The following CYB5R4 variants were observed in gnomAD, a reference collection of about 807,000 sequenced individuals.
CYB5R4 encodes cytochrome b5 reductase 4.
CYB5R4 carries 55 observed loss-of-function variants against 70.2 expected under a neutral mutation model. The ratio of observed to expected loss-of-function variants is 0.78; its 90% CI spans 0.63 to 0.98. The LOEUF is 0.98. Among genes scored for constraint, CYB5R4 ranks in the 50% least tolerant of loss-of-function variants. The pLI is 0.00. For synonymous variants in CYB5R4, 197 were observed against 199.5 expected, an observed-to-expected ratio of 0.99 and a Z score of 0.11; for missense variants, 562 against 612.6, an observed-to-expected ratio of 0.92 and a Z score of 0.87.
At chr6:83,921,300 G>T in intron 8 of CYB5R4, 125 bp downstream of exon 8, 1 of 884,586 alleles carries the variant, frequency 1.1e-6, no homozygotes, top group Non-Finnish European at 1.6e-6. Flanking sequence ...TGTCATTTTT[G>T]ATCAGTTTTT....
chr6:83,943,283 C>T (rs1268512626), intron 14 of CYB5R4, among the ~76,000 whole-genome samples: 3 of 152,160 alleles, frequency 2.0e-5, no homozygotes, highest in Admixed American at 2.0e-4. Context: ...GCAATCTTTG[C>T]TGTTCTGCAG....
At chr6:83,928,132 G>C (rs866209656) in intron 10 of CYB5R4, among the ~76,000 whole-genome samples, 5 of 151,992 alleles carry the variant, frequency 3.3e-5, no homozygotes, top group Non-Finnish European at 5.9e-5. Context: ...CAGGAACCAG[G>C]GACACAGACC....
chr6:83,875,966 C>G (rs1193399902), intron 2 of CYB5R4, among the ~76,000 whole-genome samples: 7 of 152,106 alleles, frequency 4.6e-5, no homozygotes, highest in Admixed American at 4.6e-4. Flanking sequence ...GCCTCTTTTT[C>G]CTAGCCCTCT....
chr6:83,899,830 A>G (rs866582404), intron 3 of CYB5R4, among the ~76,000 whole-genome samples: 24 of 151,968 alleles, frequency 1.6e-4, no homozygotes, highest in Admixed American at 2.6e-4. Context: ...ATCATTTTTT[A>G]TTGCATCTAT....
At chr6:83,914,469 T>C in intron 5 of CYB5R4, 21 bp downstream of exon 5, 2 of 1,491,754 alleles carry the variant, frequency 1.3e-6, no homozygotes, top group South Asian at 2.4e-5. Flanking sequence ...AAATTTATAA[T>C]AAATGAATCA....
At position 83,936,380 on chromosome 6, in the gene CYB5R4, A is replaced by G. The variant is rs532843511; in HGVS notation, c.1108+4A>G. The G allele has an allele frequency of 6.3e-5, 101 of 1,611,046 alleles. No homozygotes were observed. Among genetic ancestry groups the G allele is most frequent in the Admixed American group, 2.4e-4 (14 of 59,072 alleles). On this transcript the variant is annotated splice_donor_region_variant and intron_variant, in intron 12 of 15. Transcript: ENST00000369681. ...GAGCTTGATCGTCTTCAGATTGGTT[A>G]GTATTTTTACATTTTTTAAACCTCA... is the stretch of plus-strand genomic sequence containing the variant.
At chr6:83,887,137 A>G (rs1206408687) in intron 2 of CYB5R4, among the ~76,000 whole-genome samples, 3 of 152,192 alleles carry the variant, frequency 2.0e-5, no homozygotes, top group African/African-American at 7.2e-5. Flanking sequence ...AAAAGGCAAT[A>G]TTCGTTTTTA....
chr6:83,922,558 C>A, intron 9 of CYB5R4, 88 bp downstream of exon 9: 1 of 887,160 alleles, frequency 1.1e-6, no homozygotes, highest in East Asian at 2.5e-5. Flanking sequence ...GAAAAATTAG[C>A]ATTTGTTTTA....
At chr6:83,889,511 T>C (rs1176877766) in intron 2 of CYB5R4, among the ~76,000 whole-genome samples, 1 of 152,218 alleles carries the variant, frequency 6.6e-6, no homozygotes, top group Admixed American at 6.5e-5. Context: ...GTTTATAGCA[T>C]GGTTTACTGA....
chr6:83,898,067 C>T (rs572791471), intron 3 of CYB5R4, among the ~76,000 whole-genome samples: 8 of 144,570 alleles, frequency 5.5e-5, no homozygotes, highest in South Asian at 4.2e-4. Flanking sequence ...TTTATGGTAG[C>T]GTTTTTATGG....
At chr6:83,897,156 C>T (rs561992572) in intron 3 of CYB5R4, among the ~76,000 whole-genome samples, 10 of 151,580 alleles carry the variant, frequency 6.6e-5, no homozygotes, top group East Asian at 3.9e-4. Flanking sequence ...TGAGAACATG[C>T]GGTGTTTGGT....
Position 83,898,035 on chromosome 6 carries a change from G to T in CYB5R4, c.330+4413G>T, listed in dbSNP as rs537431983. On this transcript the variant is annotated intron_variant, in intron 3 of 15. Coordinates refer to ENST00000369681, the MANE Select transcript of CYB5R4 (RefSeq NM_016230.4). Reference sequence around the variant, plus strand: ...GTTTTTATGGTTTTAAACATTTAAAGACTTAAAAACATTTTTATGTTTTTA... The same window carrying T: ...GTTTTTATGGTTTTAAACATTTAAATACTTAAAAACATTTTTATGTTTTTA... Among the ~76,000 whole-genome samples the T allele has an allele frequency of 2.3e-4, 35 of 152,122 alleles. 1 individual carries two copies. The highest frequency in any genetic ancestry group is 3.4e-3 in the Middle Eastern group (1 of 294).
In CYB5R4 at chr6:83,960,566, G is replaced by C. The variant is rs1360767722; in HGVS notation, c.*688G>C. ...CTAGGTGTGTTAACAGAGCTTGAGA[G>C]AGGGAACCTTGACAGCTATTTTTAC... On this transcript the variant is annotated 3_prime_UTR_variant, in exon 16 of 16. Coordinates refer to ENST00000369681, the MANE Select transcript of CYB5R4 (RefSeq NM_016230.4). The C allele has an allele frequency of 2.0e-5, 3 of 152,194 alleles. No individual in the cohort carries two copies. Among genetic ancestry groups the C allele is most frequent in the Non-Finnish European group, 2.9e-5 (2 of 68,030 alleles). The allele number at this position is 152,194 out of a possible 1,614,324, so 9.4% of individuals were successfully genotyped here.
intron 2 of CYB5R4, 57 bp downstream of exon 2, chr6:83,864,385 T>C: frequency 6.8e-7 from 1 of 1,472,590 alleles, no homozygotes; most frequent in Non-Finnish European, 9.3e-7. Context: ...CCAATTATGA[T>C]GTTACATAAC....
At chr6:83,877,469 A>T (rs1402494186) in intron 2 of CYB5R4, among the ~76,000 whole-genome samples, 1 of 149,936 alleles carries the variant, frequency 6.7e-6, no homozygotes, top group Non-Finnish European at 1.5e-5. Flanking sequence ...GGGCATCTGC[A>T]TCTGGTGAGG....
In CYB5R4 at chr6:83,910,325, CTGAT is replaced by C. The variant is rs61762816; in HGVS notation, c.412+1236_412+1239del. 1,256 of 588,754 alleles carry C rather than the reference CTGAT, an allele frequency of 2.1e-3. 10 individuals are homozygous for C. Among genetic ancestry groups the C allele is most frequent in the African/African-American group, 0.021 (1,126 of 53,422 alleles). 36.5% of individuals were successfully genotyped at this position (588,754 alleles called of 1,614,324 possible). On this transcript the variant is annotated intron_variant, in intron 4 of 15. Coordinates refer to ENST00000369681, the MANE Select transcript of CYB5R4 (RefSeq NM_016230.4). ...GACAAAGCACAAGCTCAGAGACTAA[CTGAT>C]AGGGGAGAAGTAAGACGGTTACTGG...
chr6:83,882,139 C>G (rs1191573489), intron 2 of CYB5R4, among the ~76,000 whole-genome samples: 3 of 152,100 alleles, frequency 2.0e-5, no homozygotes, highest in African/African-American at 7.2e-5. Flanking sequence ...GAACAGTCAT[C>G]TATATGTAGA....
intron 3 of CYB5R4, among the ~76,000 whole-genome samples, chr6:83,895,088 G>A (rs141046229): frequency 2.8e-3 from 421 of 152,224 alleles, no homozygotes; most frequent in African/African-American, 8.3e-3. Flanking sequence ...CATTCTCCTT[G>A]GAAGGTTTTT....
chr6:83,867,565 G>A (rs1008992433), intron 2 of CYB5R4, among the ~76,000 whole-genome samples: 3 of 152,214 alleles, frequency 2.0e-5, no homozygotes, highest in Non-Finnish European at 2.9e-5. Flanking sequence ...ACAGAAGTTC[G>A]GATGATAACA....
Sources: gnomAD v4.1 joint callset for allele counts (sites outside exome capture counted in the v4.1 genomes callset) on GRCh38, gnomAD v4.1.1 for gene constraint, MANE v1.5 for transcripts, NCBI Gene and HGNC (gene_info 2026-07-23, HGNC 2026-07-21) for gene names.